The following MYO18B variants were observed in gnomAD, a reference collection of about 807,000 sequenced individuals.
MYO18B encodes unconventional myosin-XVIIIb.
In MYO18B, 204 loss-of-function variants were observed where a neutral mutation model predicts 273.0. The ratio of observed to expected loss-of-function variants is 0.75; its 90% CI spans 0.67 to 0.84. MYO18B has a LOEUF of 0.84. Ranked by LOEUF, MYO18B falls within the 40% of genes least tolerant of loss-of-function variation. The pLI, the probability that MYO18B is intolerant of heterozygous loss-of-function variation, is 0.00. For missense variants in MYO18B, 3,212 were observed against 3,287.6 expected, an observed-to-expected ratio of 0.98 and a Z score of 0.56; for synonymous variants, 1,330 against 1,305.7, an observed-to-expected ratio of 1.02 and a Z score of -0.40.
In MYO18B at chr22:26,027,373, G is replaced by A. The variant is rs945284696; in HGVS notation, c.7399G>A (p.Gly2467Ser). ...LAGSAKGGQD[G>S]SQRSSIHFET... The stretch of plus-strand genomic sequence containing the variant: ...TGGATCAGCCAAAGGTGGGCAAGAC[G>A]GTTCACAGCGTTCAAGCATCCACTT... The change falls in exon 43 of 44, where the codon GGT (glycine) becomes AGT (serine). Residue 2467 changes from glycine (G) to serine (S), a missense_variant. Physicochemically the swap from Gly to Ser is moderately conservative, Grantham distance 56. Transcript: ENST00000335473. The surrounding 1 kb of genome is among the most constrained non-coding windows in gnomAD (Gnocchi z 4.1). 5.6e-6 allele frequency: 9 copies of A among 1,613,834 alleles called. No individual in the cohort carries two copies. The highest frequency in any genetic ancestry group is 6.8e-6 in the Non-Finnish European group (8 of 1,179,876).
chr22:25,949,014 C>T (rs1012561249), intron 36 of MYO18B, among the ~76,000 whole-genome samples: 10 of 151,966 alleles, frequency 6.6e-5, no homozygotes, highest in African/African-American at 2.2e-4. Flanking sequence ...TGAAAGGAGA[C>T]CAGTGAGGAC....
At position 25,954,540 on chromosome 22, in the gene MYO18B, G is replaced by A. The variant is rs369723687; in HGVS notation, c.5971-639G>A. Reference sequence around the variant, plus strand: ...TACCAAGAAATTAGATTCTGACAGCGTCCCTGGGACACAGGTACTATCATC... The same window carrying A: ...TACCAAGAAATTAGATTCTGACAGCATCCCTGGGACACAGGTACTATCATC... On this transcript the variant is annotated intron_variant, in intron 38 of 43. Coordinates refer to ENST00000335473, the MANE Select transcript of MYO18B (RefSeq NM_032608.7). Among the ~76,000 whole-genome samples the A allele has an allele frequency of 5.7e-4, 87 of 151,964 alleles. 1 individual carries two copies. Among genetic ancestry groups the A allele is most frequent in the Middle Eastern group, 3.4e-3 (1 of 290 alleles).
chr22:25,754,299 T>G (rs2086038962), intron 1 of MYO18B, among the ~76,000 whole-genome samples: 2 of 152,156 alleles, frequency 1.3e-5, no homozygotes, highest in Admixed American at 1.3e-4. Flanking sequence ...GGTGAGAATG[T>G]GCTTGGAAGG....
intron 42 of MYO18B, among the ~76,000 whole-genome samples, chr22:26,025,869 T>C (rs779964228): frequency 2.6e-5 from 4 of 152,208 alleles, no homozygotes; most frequent in Non-Finnish European, 5.9e-5. Flanking sequence ...GTCTGTCCTC[T>C]TGTGTATAGT....
At chr22:25,891,826 A>G (rs1032198725) in intron 27 of MYO18B, among the ~76,000 whole-genome samples, 3 of 152,126 alleles carry the variant, frequency 2.0e-5, no homozygotes, top group African/African-American at 7.2e-5. Context: ...CAGGAGTTCA[A>G]GACCAGCCTG....
intron 34 of MYO18B, among the ~76,000 whole-genome samples, chr22:25,932,439 G>A (rs935205036): frequency 4.3e-4 from 47 of 109,336 alleles, no homozygotes; most frequent in Non-Finnish European, 8.8e-5. Context: ...ACACAGTTTT[G>A]CTCTTGTCGC....
At chr22:25,799,284 T>C (rs2088079186) in intron 12 of MYO18B, among the ~76,000 whole-genome samples, 1 of 152,102 alleles carries the variant, frequency 6.6e-6, no homozygotes, top group Admixed American at 6.6e-5. Context: ...CTTAGAATCC[T>C]CTGGAGGCTC....
rs545511205 is a variant in MYO18B, at chr22:25,878,019, C to T, written c.4285C>T (p.Arg1429Trp). Residue 1429 changes from arginine to tryptophan, a missense_variant, in exon 25 of 44, where the codon CGG (arginine) becomes TGG (tryptophan). Transcript: ENST00000335473. ...EKSEKLRNEL[R>W]QNTDLLESKI... ...ATCAGAGAAGTTGCGGAATGAACTC[C>T]GGCAGAACACAGATCTGCTAGAAAG... 1.5e-5 allele frequency: 24 copies of T among 1,583,824 alleles called. No individual in the cohort carries two copies. The highest frequency in any genetic ancestry group is 5.4e-5 in the Admixed American group (3 of 55,822).
intron 5 of MYO18B, 85 bp from the exon 6 acceptor site, chr22:25,770,787 C>T: frequency 7.2e-6 from 7 of 971,974 alleles, no homozygotes; most frequent in Non-Finnish European, 1.1e-5. Flanking sequence ...CTTAGAGCCT[C>T]TCTTATCTCC....
At chr22:25,934,216 T>C (rs1046024830) in intron 34 of MYO18B, among the ~76,000 whole-genome samples, 8 of 152,214 alleles carry the variant, frequency 5.3e-5, no homozygotes, top group Admixed American at 4.6e-4. Flanking sequence ...TTGCTACATA[T>C]GTCTATTGCC....
chr22:25,780,313 C>A, intron 9 of MYO18B, 115 bp downstream of exon 9: 3 of 1,292,668 alleles, frequency 2.3e-6, no homozygotes, highest in South Asian at 2.9e-5. Flanking sequence ...CTGAAATGGT[C>A]ATGGCGGTGG....
Position 25,874,333 on chromosome 22 carries a change from G to A in MYO18B, c.3999G>A (p.Glu1333=), listed in dbSNP as rs1042600587. ...GVISRLEKQR[E]KLVSQSIVLF... ...TCTCCAGGCTTGAGAAGCAGCGAGA[G>A]AAGCTGGTATCTCAGAGCATCGTTC... The change falls in exon 23 of 44, where the codon GAG becomes GAA. Residue 1333 remains glutamate, a synonymous_variant. Transcript: ENST00000335473. 1 of 1,613,976 alleles carries A rather than the reference G, an allele frequency of 6.2e-7. No homozygotes were observed. Among genetic ancestry groups the A allele is most frequent in the African/African-American group, 1.3e-5 (1 of 75,036 alleles).
chr22:25,930,022 C>T (rs35701366), intron 34 of MYO18B, among the ~76,000 whole-genome samples: 116 of 152,298 alleles, frequency 7.6e-4, no homozygotes, highest in African/African-American at 2.7e-3. Flanking sequence ...ACCCCTCACC[C>T]GAAGCTTAGG....
At chr22:25,789,083 TTCCTCCTCCTTCTTCTTCCTCCTCC>T (rs1569021036) in intron 11 of MYO18B, among the ~76,000 whole-genome samples, 19 of 143,782 alleles carry the variant, frequency 1.3e-4, no homozygotes, top group South Asian at 2.2e-4. Flanking sequence ...CTCCTTCTTC[TTCCTCCTCCTTCTTCTTCCTCCTCC>T]TCCTCCTCCT....
At chr22:25,875,545 T>C (rs957615627) in intron 23 of MYO18B, among the ~76,000 whole-genome samples, 2 of 152,064 alleles carry the variant, frequency 1.3e-5, no homozygotes, top group African/African-American at 4.8e-5. Context: ...TCAATGCTTC[T>C]CAAACTGTGG....
intron 11 of MYO18B, among the ~76,000 whole-genome samples, chr22:25,786,885 C>T (rs1213391111): frequency 6.6e-6 from 1 of 152,154 alleles, no homozygotes; most frequent in Non-Finnish European, 1.5e-5. Flanking sequence ...TGGATGGCAA[C>T]TAAGCACATG....
intron 1 of MYO18B, among the ~76,000 whole-genome samples, chr22:25,750,932 C>T (rs1002647592): frequency 6.6e-6 from 1 of 152,168 alleles, no homozygotes; most frequent in Non-Finnish European, 1.5e-5. Context: ...CGTGGCAGTC[C>T]ATGCTGGGAG....
chr22:25,844,505 T>C (rs1483190247), intron 18 of MYO18B, among the ~76,000 whole-genome samples: 1 of 152,168 alleles, frequency 6.6e-6, no homozygotes, highest in African/African-American at 2.4e-5. Context: ...AAAGAACCAC[T>C]TACTCACTAC....
Position 25,768,343 on chromosome 22 carries a change from C to T in MYO18B, c.427C>T (p.Pro143Ser), listed in dbSNP as rs746828963. The change falls in exon 4 of 44, where the codon CCC (proline) becomes TCC (serine). Residue 143 changes from proline to serine, a missense_variant. By Grantham distance (74) the Pro-to-Ser change is moderately conservative. Coordinates refer to ENST00000335473, the MANE Select transcript of MYO18B (RefSeq NM_032608.7). ...TGCGACACCAACCAAAAAGACTGTC[C>T]CCTTCAAGAGGGGCGTGAGGAGGGG... ...SSATPTKKTV[P>S]FKRGVRRGDV... 9.3e-6 allele frequency: 15 copies of T among 1,613,686 alleles called. No homozygotes were observed. The Admixed American group carries it at 2.5e-4, about 27-fold the overall frequency.
Sources: gnomAD v4.1 joint callset for allele counts (sites outside exome capture counted in the v4.1 genomes callset) on GRCh38, gnomAD v4.1.1 for gene constraint, Gnocchi (gnomAD v3.1) non-coding constraint, MANE v1.5 for transcripts, NCBI Gene and HGNC (gene_info 2026-07-23, HGNC 2026-07-21) for gene names.